Variants in FNDC3B observed in about 807,000 individuals in gnomAD.
FNDC3B encodes fibronectin type III domain-containing protein 3B.
A neutral mutation model predicts 151.5 loss-of-function variants in FNDC3B; 12 were observed. That is an observed-to-expected ratio of 0.08 (90% CI 0.05 to 0.13). The LOEUF (loss-of-function observed/expected upper bound fraction) is 0.13. Among genes scored for constraint, FNDC3B ranks in the 10% least tolerant of loss-of-function variants. The pLI is 1.00. For missense variants in FNDC3B, 1,214 were observed against 1,505.3 expected (o/e 0.81, Z 3.20); for synonymous variants, 528 against 549.0 (o/e 0.96, Z 0.54).
At chr3:172,240,122 C>T (rs1340544861) in intron 4 of FNDC3B, among the ~76,000 whole-genome samples, 4 of 152,096 alleles carry the variant, frequency 2.6e-5, no homozygotes, top group South Asian at 2.1e-4. Flanking sequence ...CTGCCCACCT[C>T]GGCCTCCCAG....
At chr3:172,151,863 A>G (rs1722241108) in intron 3 of FNDC3B, among the ~76,000 whole-genome samples, 1 of 152,214 alleles carries the variant, frequency 6.6e-6, no homozygotes, top group South Asian at 2.1e-4. Flanking sequence ...ATTTCACTCA[A>G]AGTTGCAGCT....
intron 3 of FNDC3B, among the ~76,000 whole-genome samples, chr3:172,140,251 G>A (rs1274166276): frequency 6.6e-6 from 1 of 151,718 alleles, no homozygotes; most frequent in Admixed American, 6.6e-5. Context: ...TTAAATGTTA[G>A]CTTCAAGACC....
chr3:172,296,519 G>A (rs1041616462), intron 8 of FNDC3B, among the ~76,000 whole-genome samples: 2 of 152,076 alleles, frequency 1.3e-5, no homozygotes, highest in African/African-American at 2.4e-5. Flanking sequence ...TTCCACCCCC[G>A]ACTCTTGCTC....
chr3:172,394,232 G>A (rs887252912), intron 25 of FNDC3B, among the ~76,000 whole-genome samples: 11 of 150,574 alleles, frequency 7.3e-5, no homozygotes, highest in Non-Finnish European at 1.2e-4. Flanking sequence ...TATACCTCAC[G>A]GAACTGGGGG....
intron 4 of FNDC3B, among the ~76,000 whole-genome samples, chr3:172,243,257 G>A (rs2108764784): frequency 6.6e-6 from 1 of 152,268 alleles, no homozygotes; most frequent in African/African-American, 2.4e-5. Flanking sequence ...TTTCAAAGTT[G>A]CTTCCACATT....
intron 3 of FNDC3B, among the ~76,000 whole-genome samples, chr3:172,202,213 C>G (rs184672112): frequency 3.5e-4 from 53 of 152,254 alleles, no homozygotes; most frequent in African/African-American, 1.1e-3. Flanking sequence ...TCCTCCCTCT[C>G]TTTAATGACT....
At chr3:172,191,402 C>A (rs962859166) in intron 3 of FNDC3B, among the ~76,000 whole-genome samples, 8 of 152,146 alleles carry the variant, frequency 5.3e-5, no homozygotes, top group Non-Finnish European at 8.8e-5. Flanking sequence ...TCATTATTGT[C>A]CTCCTCATCA....
intron 22 of FNDC3B, among the ~76,000 whole-genome samples, chr3:172,358,602 G>C (rs1365633294): frequency 6.6e-6 from 1 of 152,226 alleles, no homozygotes; most frequent in African/African-American, 2.4e-5. Context: ...GTGAAGACCT[G>C]TCCCTGTGCC....
chr3:172,330,738 T>C, intron 13 of FNDC3B, 23 bp downstream of exon 13: 1 of 1,585,962 alleles, frequency 6.3e-7, no homozygotes, highest in Non-Finnish European at 8.6e-7. Flanking sequence ...GATTTTATAC[T>C]TCTCTGTGTT....
intron 3 of FNDC3B, chr3:172,186,694 T>C: frequency 2.9e-6 from 2 of 698,954 alleles, no homozygotes; most frequent in South Asian, 1.5e-5. Context: ...CCTATCTTGA[T>C]TTTTTGTCTT....
rs1477007086 is a variant in FNDC3B at position 172,040,459 on chromosome 3, C to CTG, written c.-29+688_-29+689insTG. On this transcript the variant is annotated intron_variant, in intron 1 of 25. Coordinates refer to ENST00000415807, the MANE Select transcript of FNDC3B (RefSeq NM_022763.4). The surrounding 1 kb of genome is among the most constrained non-coding windows in gnomAD (Gnocchi z 6.6). ...CCCCGCTGCTGGCCACCTCCGAGCA[C>CTG]GCCACGTCCTCCTCCCCGTCCTGCC... The CTG allele has an allele frequency of 1.3e-5, 2 of 151,994 alleles. No homozygotes were observed. The highest frequency in any genetic ancestry group is 2.9e-5 in the Non-Finnish European group (2 of 68,060). The allele number at this position is 151,994 out of a possible 1,614,324, so 9.4% of individuals were successfully genotyped here.
intron 3 of FNDC3B, among the ~76,000 whole-genome samples, chr3:172,219,539 C>G (rs1266335762): frequency 6.6e-6 from 1 of 152,146 alleles, no homozygotes; most frequent in Non-Finnish European, 1.5e-5. Context: ...GTTATGCAAC[C>G]ACTACCTCTG....
intron 1 of FNDC3B, among the ~76,000 whole-genome samples, chr3:172,049,777 T>G (rs573546725): frequency 6.6e-6 from 1 of 152,354 alleles, no homozygotes; most frequent in Non-Finnish European, 1.5e-5. Context: ...TCTGCTCGCC[T>G]CTACCTCCCA....
intron 25 of FNDC3B, among the ~76,000 whole-genome samples, chr3:172,390,193 A>G (rs1158270255): frequency 2.0e-5 from 3 of 152,244 alleles, no homozygotes; most frequent in African/African-American, 7.2e-5. Context: ...TTAAATGTAA[A>G]AAAGATAATG....
intron 23 of FNDC3B, 83 bp from the exon 24 acceptor site, chr3:172,378,187 C>G (rs1735252006): frequency 7.7e-7 from 1 of 1,299,902 alleles, no homozygotes; most frequent in Non-Finnish European, 1.1e-6. Context: ...TTGGCCTAAT[C>G]TGCTCCATTA....
intron 3 of FNDC3B, among the ~76,000 whole-genome samples, chr3:172,195,359 T>C (rs1190090243): frequency 1.3e-5 from 2 of 152,256 alleles, no homozygotes; most frequent in African/African-American, 4.8e-5. Flanking sequence ...ATGAAATGAT[T>C]GAACATTTTA....
At chr3:172,041,959 G>A (rs1202105880) in intron 1 of FNDC3B, among the ~76,000 whole-genome samples, 1 of 151,938 alleles carries the variant, frequency 6.6e-6, no homozygotes, top group Non-Finnish European at 1.5e-5. Flanking sequence ...GATACCAGAG[G>A]GGCACCCACA....
intron 2 of FNDC3B, among the ~76,000 whole-genome samples, chr3:172,125,867 TTCC>T (rs1241552000): frequency 6.6e-6 from 1 of 152,122 alleles, no homozygotes; most frequent in Non-Finnish European, 1.5e-5. Flanking sequence ...TGCTCATGAG[TTCC>T]TCGTTTTCTT....
At chr3:172,175,738 G>T (rs907635348) in intron 3 of FNDC3B, among the ~76,000 whole-genome samples, 1 of 152,172 alleles carries the variant, frequency 6.6e-6, no homozygotes, top group Non-Finnish European at 1.5e-5. Flanking sequence ...GTAAACACAT[G>T]ATTACCATAG....
Sources: allele counts gnomAD v4.1 joint callset (sites outside exome capture counted in the v4.1 genomes callset), GRCh38; gene constraint gnomAD v4.1.1; non-coding constraint Gnocchi (gnomAD v3.1); transcripts MANE v1.5; gene names NCBI Gene and HGNC (gene_info 2026-07-23, HGNC 2026-07-21).